Variants in GNG2 observed in about 807,000 individuals in gnomAD.
The protein encoded by GNG2 is guanine nucleotide-binding protein G(I)/G(S)/G(O) subunit gamma-2.
In GNG2, 5 loss-of-function variants were observed where a neutral mutation model predicts 5.5. The observed-to-expected ratio is 0.91, with a 90% CI of 0.48 to 1.92. The LOEUF is 1.92. Among genes scored for constraint, GNG2 ranks in the 30% most tolerant of loss-of-function variants. The pLI is 0.01. For missense variants in GNG2, 55 were observed against 88.4 expected (o/e 0.62, Z 1.52); for synonymous variants, 28 against 32.0 (o/e 0.88, Z 0.42).
chr14:51,907,380 G>A (rs1030459962), intron 2 of GNG2, among the ~76,000 whole-genome samples: 3 of 152,220 alleles, frequency 2.0e-5, no homozygotes, highest in Admixed American at 2.0e-4. Context: ...GGATTCAAAA[G>A]CATTGAAATT....
In GNG2 at chr14:51,827,651, A is replaced by T. The variant is rs192897312; in HGVS notation, c.-76-17A>T. The T allele has an allele frequency of 2.5e-3, 1,776 of 697,948 alleles. 3 individuals are homozygous for T. Among genetic ancestry groups the T allele is most frequent in the Non-Finnish European group, 3.1e-3 (1,180 of 383,560 alleles). The allele number at this position is 697,948 out of a possible 1,614,324, so 43.2% of individuals were successfully genotyped here. A position where few individuals can be genotyped will look rare whatever the true frequency, so the allele number is the denominator to read the frequency against. The stretch of plus-strand genomic sequence containing the variant: ...GTGTGTTGGATGTTCATCCACGTAT[A>T]TGTTTACATATCCCAGAATTACACG... On this transcript the variant is annotated splice_polypyrimidine_tract_variant and intron_variant, in intron 1 of 3. Coordinates refer to the GNG2 transcript ENST00000553432.
chr14:51,833,916 G>T (rs998527197), intron 2 of GNG2, among the ~76,000 whole-genome samples: 4 of 152,178 alleles, frequency 2.6e-5, no homozygotes, highest in Non-Finnish European at 2.9e-5. Context: ...AGTGGTAGGG[G>T]TCATACAGTG....
intron 2 of GNG2, among the ~76,000 whole-genome samples, chr14:51,907,837 G>A (rs190616886): frequency 7.3e-4 from 111 of 152,294 alleles, no homozygotes; most frequent in African/African-American, 2.5e-3. Flanking sequence ...AACTTTAGTT[G>A]CTGGTCTTTA....
intron 2 of GNG2, among the ~76,000 whole-genome samples, chr14:51,881,896 G>A (rs377554661): frequency 6.6e-6 from 1 of 151,360 alleles, no homozygotes; most frequent in African/African-American, 2.4e-5. Flanking sequence ...GAATTATTTT[G>A]ATTTTTTCCT....
chr14:51,961,569 A>C (rs1253650), intron 3 of GNG2, among the ~76,000 whole-genome samples: 140,814 of 152,184 alleles, frequency 0.93, 65,649 homozygotes, highest in Non-Finnish European at 0.98. Flanking sequence ...TAAACTGTGA[A>C]AGCAATTTAT....
chr14:51,831,992 A>T lies in GNG2; in HGVS notation c.64+4185A>T, dbSNP rs548228580. Among the ~76,000 whole-genome samples, 199 of 152,290 alleles carry T rather than the reference A, an allele frequency of 1.3e-3. 8 individuals are homozygous for T. The South Asian group carries it at 0.039, about 30-fold the overall frequency. ...AGTTTTATTTTAACTCATTAAAATG[A>T]TGGGGAGGCTGGGCTGGCAGCTTAT... is the stretch of plus-strand genomic sequence containing the variant. On this transcript the variant is annotated intron_variant, in intron 2 of 3. Transcript: ENST00000553432.
intron 2 of GNG2, chr14:51,914,385 C>A: frequency 1.5e-6 from 1 of 650,308 alleles, no homozygotes; most frequent in South Asian, 1.7e-5. Flanking sequence ...TCCTTTCTCC[C>A]TGAATCTTCT....
chr14:51,838,393 G>A (rs1411315492), intron 2 of GNG2, among the ~76,000 whole-genome samples: 5 of 151,790 alleles, frequency 3.3e-5, no homozygotes, highest in African/African-American at 4.8e-5. Context: ...GCAATGAGCC[G>A]AGATTGCACC....
chr14:51,966,224 A>AAC (rs1889892360), intron 3 of GNG2, among the ~76,000 whole-genome samples: 1 of 148,192 alleles, frequency 6.7e-6, no homozygotes, highest in African/African-American at 2.5e-5. Context: ...AAAAAAAAAA[A>AAC]AAAAAAAAAA....
chr14:51,841,276 T>C (rs1252843353), intron 2 of GNG2, among the ~76,000 whole-genome samples: 2 of 152,118 alleles, frequency 1.3e-5, no homozygotes, highest in Non-Finnish European at 2.9e-5. Context: ...AACAGGCCCC[T>C]CTCCAGACTG....
chr14:51,900,396 TACACGAG>T (rs998305316), intron 2 of GNG2, among the ~76,000 whole-genome samples: 5 of 152,010 alleles, frequency 3.3e-5, no homozygotes, highest in African/African-American at 1.2e-4. Flanking sequence ...GTTTCAGGAA[TACACGAG>T]ACTGAATTAT....
chr14:51,837,154 C>G (rs61970749), intron 2 of GNG2, among the ~76,000 whole-genome samples: 1 of 151,484 alleles, frequency 6.6e-6, no homozygotes, highest in Non-Finnish European at 1.5e-5. Context: ...CCACCGCACC[C>G]GGCCTGATCT....
chr14:51,962,478 A>G (rs901173449), intron 3 of GNG2, among the ~76,000 whole-genome samples: 13 of 152,180 alleles, frequency 8.5e-5, no homozygotes. Context: ...GGTTAGTGAA[A>G]AATAAAGATG....
chr14:51,906,283 G>A (rs916694643), intron 2 of GNG2, among the ~76,000 whole-genome samples: 2 of 152,118 alleles, frequency 1.3e-5, no homozygotes, highest in Non-Finnish European at 2.9e-5. Flanking sequence ...AAACCTACTA[G>A]GAATGAAGAC....
chr14:51,873,687 A>AGT (rs368588966), intron 1 of GNG2, among the ~76,000 whole-genome samples: 20 of 152,332 alleles, frequency 1.3e-4, no homozygotes, highest in African/African-American at 4.6e-4. Context: ...AACCTTGTGG[A>AGT]GTGTCTTGTG....
chr14:51,870,435 C>T (rs1336283078), intron 1 of GNG2, among the ~76,000 whole-genome samples: 1 of 152,118 alleles, frequency 6.6e-6, no homozygotes, highest in Middle Eastern at 3.2e-3. Context: ...TTTAGACAAC[C>T]AGCCCTGCAT....
upstream of GNG2, among the ~76,000 whole-genome samples, chr14:51,860,030 T>C (rs1424986351): frequency 6.6e-6 from 1 of 152,142 alleles, no homozygotes; most frequent in Non-Finnish European, 1.5e-5. Context: ...ATCTCAGTGG[T>C]AGTGGGACCT....
At chr14:51,958,446 C>CT (rs1308893225) in intron 3 of GNG2, among the ~76,000 whole-genome samples, 1 of 145,258 alleles carries the variant, frequency 6.9e-6, no homozygotes, top group East Asian at 2.2e-4. Flanking sequence ...CGTTCCCCCC[C>CT]CCCATTTATA....
At chr14:51,932,271 A>AAAAAAG (rs60014306) in intron 2 of GNG2, among the ~76,000 whole-genome samples, 3,525 of 96,250 alleles carry the variant, frequency 0.037, 707 homozygotes, top group African/African-American at 0.053. Context: ...AAAAAAAAAA[A>AAAAAAG]AGAAAAGAAA....
Sources: allele counts gnomAD v4.1 joint callset (sites outside exome capture counted in the v4.1 genomes callset), GRCh38; gene constraint gnomAD v4.1.1; transcripts MANE v1.5; gene names NCBI Gene and HGNC (gene_info 2026-07-23, HGNC 2026-07-21).